SHROOM3: variants seen among roughly 807,000 people sequenced by gnomAD.
The protein encoded by SHROOM3 is shroom family member 3, also known as protein Shroom3.
In SHROOM3, 47 loss-of-function variants were observed where a neutral mutation model predicts 138.6. The observed-to-expected ratio is 0.34, with a 90% CI of 0.27 to 0.43. The LOEUF (loss-of-function observed/expected upper bound fraction) is 0.43. SHROOM3 is among the 20% of genes least tolerant of loss of function. The pLI is 1.00. For synonymous variants in SHROOM3, 1,062 were observed against 1,063.3 expected (o/e 1.00, Z 0.02); for missense variants, 2,491 against 2,596.5 (o/e 0.96, Z 0.88).
intron 1 of SHROOM3, among the ~76,000 whole-genome samples, chr4:76,448,157 G>C (rs567732020): frequency 1.4e-4 from 22 of 152,156 alleles, no homozygotes; most frequent in Non-Finnish European, 2.8e-4. Flanking sequence ...TGTGGAATGA[G>C]ATTTGTTTTT....
chr4:76,455,196 G>T (rs896366238), intron 1 of SHROOM3, among the ~76,000 whole-genome samples: 3 of 152,050 alleles, frequency 2.0e-5, no homozygotes, highest in Admixed American at 1.3e-4. Flanking sequence ...AGTGGTAAAA[G>T]TGGATATCCT....
At chr4:76,637,419 T>C (rs1434989621) in intron 2 of SHROOM3, 1 of 152,226 alleles carries the variant, frequency 6.6e-6, no homozygotes, top group East Asian at 1.9e-4. Context: ...ACTGTGGTAG[T>C]AAAAATGAGA....
At chr4:76,457,840 T>G (rs550582524) in intron 1 of SHROOM3, among the ~76,000 whole-genome samples, 125 of 149,700 alleles carry the variant, frequency 8.4e-4, no homozygotes, top group African/African-American at 3.0e-3. Context: ...CTGTCGCCCA[T>G]GCTGGAGTGC....
At chr4:76,561,154 C>T (rs1036844010) in intron 2 of SHROOM3, among the ~76,000 whole-genome samples, 27 of 152,096 alleles carry the variant, frequency 1.8e-4, no homozygotes, top group Admixed American at 1.3e-3. Flanking sequence ...ATCTTCCTCC[C>T]AAAGCTTTCC....
chr4:76,469,892 TAGGA>T (rs1731333050), intron 1 of SHROOM3, among the ~76,000 whole-genome samples: 1 of 152,234 alleles, frequency 6.6e-6, no homozygotes, highest in Non-Finnish European at 1.5e-5. Flanking sequence ...TAGAGCTTTA[TAGGA>T]AGGAAGATTG....
At chr4:76,698,868 A>G (rs187470082) in intron 2 of SHROOM3, among the ~76,000 whole-genome samples, 178 of 152,226 alleles carry the variant, frequency 1.2e-3, no homozygotes, top group African/African-American at 4.0e-3. Context: ...GTAATGCCCT[A>G]TATTTTCTGT....
At chr4:76,538,704 T>A (rs1409301657) in intron 1 of SHROOM3, among the ~76,000 whole-genome samples, 1 of 152,200 alleles carries the variant, frequency 6.6e-6, no homozygotes, top group African/African-American at 2.4e-5. Context: ...CCTTTATTAA[T>A]TAATTCATTC....
At position 76,529,560 on chromosome 4, in the gene SHROOM3, C is replaced by T. The variant is rs1406963315; in HGVS notation, c.169-26049C>T. Among the ~76,000 whole-genome samples the T allele has an allele frequency of 4.6e-5, 7 of 152,076 alleles. No individual in the cohort carries two copies. The South Asian group carries it at 6.2e-4, about 14-fold the overall frequency. Reference sequence around the variant, plus strand: ...CAGGATGGTCTCGATCTCCTGACCTCGTGATCCACCTGCCTCGGCCTCCCA... The same window carrying T: ...CAGGATGGTCTCGATCTCCTGACCTTGTGATCCACCTGCCTCGGCCTCCCA... On this transcript the variant is annotated intron_variant, in intron 1 of 10. Coordinates refer to ENST00000296043, the MANE Select transcript of SHROOM3 (RefSeq NM_020859.4).
At chr4:76,717,869 TC>T (rs1720420697) in intron 3 of SHROOM3, among the ~76,000 whole-genome samples, 1 of 152,234 alleles carries the variant, frequency 6.6e-6, no homozygotes. Flanking sequence ...ATTATTTAAC[TC>T]CATCACAATT....
At chr4:76,454,258 G>T (rs1253980459) in intron 1 of SHROOM3, among the ~76,000 whole-genome samples, 2 of 152,148 alleles carry the variant, frequency 1.3e-5, no homozygotes, top group African/African-American at 2.4e-5. Flanking sequence ...TGGCCACGCT[G>T]GTCTCGGACT....
chr4:76,556,741 A>G (rs781351598), intron 2 of SHROOM3, among the ~76,000 whole-genome samples: 5 of 152,264 alleles, frequency 3.3e-5, no homozygotes, highest in Non-Finnish European at 5.9e-5. Flanking sequence ...GGCTGTAGAA[A>G]GTAAGCTGGT....
At chr4:76,495,443 G>A (rs191977093) in intron 1 of SHROOM3, among the ~76,000 whole-genome samples, 3 of 152,336 alleles carry the variant, frequency 2.0e-5, no homozygotes, top group African/African-American at 7.2e-5. Flanking sequence ...AGACAACTCT[G>A]TGTGCCCTTC....
chr4:76,668,266 A>AT (rs1297966835), intron 2 of SHROOM3, among the ~76,000 whole-genome samples: 1 of 151,684 alleles, frequency 6.6e-6, no homozygotes, highest in African/African-American at 2.4e-5. Flanking sequence ...GTGCAGTTTG[A>AT]TTAAAAGGCA....
chr4:76,551,953 C>T (rs1733365534), intron 1 of SHROOM3, among the ~76,000 whole-genome samples: 2 of 150,632 alleles, frequency 1.3e-5, no homozygotes, highest in South Asian at 2.1e-4. Flanking sequence ...GCTCTGCCTC[C>T]TGGGTTCACG....
At chr4:76,499,553 G>A (rs1732046955) in intron 1 of SHROOM3, among the ~76,000 whole-genome samples, 2 of 152,100 alleles carry the variant, frequency 1.3e-5, no homozygotes, top group African/African-American at 4.8e-5. Context: ...ATAAAATATT[G>A]TGCTATACAC....
At chr4:76,558,534 T>C (rs1733533432) in intron 2 of SHROOM3, among the ~76,000 whole-genome samples, 1 of 152,200 alleles carries the variant, frequency 6.6e-6, no homozygotes, top group Admixed American at 6.5e-5. Flanking sequence ...TTAGTGAGTT[T>C]ACAACCATTT....
At chr4:76,523,103 G>A (rs1320380445) in intron 1 of SHROOM3, among the ~76,000 whole-genome samples, 1 of 152,136 alleles carries the variant, frequency 6.6e-6, no homozygotes, top group Non-Finnish European at 1.5e-5. Flanking sequence ...AAGCCTGTAG[G>A]AGAGGAACTT....
rs201518979 is a variant in SHROOM3, at chr4:76,710,238, C to T, written c.406C>T (p.His136Tyr). ...AGAACACCTCACCTCTGGCCCCCAG[C>T]ACAGGAAAGCAGCGTGGTCAGGAGG... ...SPEHLTSGPQ[H>Y]RKAAWSGGVK... Residue 136 changes from histidine (H) to tyrosine (Y), a missense_variant, in exon 3 of 11, where the codon CAC becomes TAC. This residue lies in a region of SHROOM3 where 284 missense variants were observed against 322.8 expected (regional missense o/e 0.88). Transcript: ENST00000296043. 22 of 1,613,996 alleles carry T rather than the reference C, an allele frequency of 1.4e-5. No homozygotes were observed. The highest frequency in any genetic ancestry group is 1.3e-4 in the Admixed American group (8 of 59,998).
Position 76,749,002 on chromosome 4 carries a change from T to C in SHROOM3, c.3754-15T>C, listed in dbSNP as rs1377961384. 6.2e-7 allele frequency: 1 copy of C among 1,613,508 alleles called. No homozygotes were observed. Among genetic ancestry groups the C allele is most frequent in the Non-Finnish European group, 8.5e-7 (1 of 1,179,632 alleles). On this transcript the variant is annotated splice_polypyrimidine_tract_variant and intron_variant, in intron 5 of 10. Transcript: ENST00000296043. ...GTTTATTGGCAGTAATGCTGTGCCT[T>C]TCTTGTGTTTCAAGGATGTGCTTTT... is the stretch of plus-strand genomic sequence containing the variant.
Sources: allele counts gnomAD v4.1 joint callset (sites outside exome capture counted in the v4.1 genomes callset), GRCh38; gene constraint gnomAD v4.1.1; regional missense constraint gnomAD v4.1.1; transcripts MANE v1.5; gene names NCBI Gene and HGNC (gene_info 2026-07-23, HGNC 2026-07-21).